Variants in DLG2 observed in about 807,000 individuals in gnomAD.
The protein encoded by DLG2 is disks large homolog 2.
In DLG2, 45 loss-of-function variants were observed where a neutral mutation model predicts 132.5. The ratio of observed to expected loss-of-function variants is 0.34; its 90% confidence interval spans 0.27 to 0.44. The LOEUF is 0.44. DLG2 is among the 20% of genes least tolerant of loss of function. The probability of loss-of-function intolerance (pLI) is 1.00; values close to 1 mark genes in which losing one functional copy is unlikely to be tolerated. For missense variants in DLG2, 1,045 were observed against 1,196.9 expected (o/e 0.87, Z 1.87); for synonymous variants, 424 against 419.6 (o/e 1.01, Z -0.13).
chr11:85,434,629 A>G (rs1210572153), intron 3 of DLG2, among the ~76,000 whole-genome samples: 4 of 152,220 alleles, frequency 2.6e-5, no homozygotes, highest in Admixed American at 2.6e-4. Flanking sequence ...ACCAGGAAGA[A>G]GTCAAATCCC....
At chr11:83,842,871 G>T (rs1427573192) in intron 16 of DLG2, among the ~76,000 whole-genome samples, 17 of 151,668 alleles carry the variant, frequency 1.1e-4, no homozygotes, top group Non-Finnish European at 1.6e-4. Flanking sequence ...TCTTTCTCAT[G>T]GCCATTCGTG....
chr11:84,116,515 G>A (rs568221415), intron 9 of DLG2, among the ~76,000 whole-genome samples: 137 of 152,152 alleles, frequency 9.0e-4, no homozygotes, highest in Non-Finnish European at 1.5e-3. Flanking sequence ...AGCCTGTGCA[G>A]GGGAACTGCC....
chr11:84,631,189 T>C (rs991029860), intron 6 of DLG2, among the ~76,000 whole-genome samples: 2 of 152,084 alleles, frequency 1.3e-5, no homozygotes, highest in Non-Finnish European at 2.9e-5. Context: ...CTAGATTATG[T>C]GTGCTCCTTA....
chr11:84,589,675 T>A (rs1437112540), intron 6 of DLG2, among the ~76,000 whole-genome samples: 1 of 152,218 alleles, frequency 6.6e-6, no homozygotes, highest in Non-Finnish European at 1.5e-5. Context: ...CATCAATATG[T>A]TCTATAATTA....
chr11:85,468,068 T>C (rs995201062), intron 3 of DLG2, among the ~76,000 whole-genome samples: 1 of 152,236 alleles, frequency 6.6e-6, no homozygotes, highest in East Asian at 1.9e-4. Context: ...AATTTAGCCA[T>C]TTCTTCTAGA....
At chr11:83,912,333 G>A (rs1415066011) in intron 15 of DLG2, among the ~76,000 whole-genome samples, 3 of 151,962 alleles carry the variant, frequency 2.0e-5, no homozygotes, top group Admixed American at 1.3e-4. Context: ...TCCCCAATGT[G>A]TCTGGACTAC....
At chr11:85,165,143 G>A (rs993101939) in intron 4 of DLG2, among the ~76,000 whole-genome samples, 2 of 152,066 alleles carry the variant, frequency 1.3e-5, no homozygotes, top group South Asian at 2.1e-4. Flanking sequence ...GATGATTCTC[G>A]GCACAATGGA....
intron 6 of DLG2, among the ~76,000 whole-genome samples, chr11:84,939,878 G>A (rs972728760): frequency 2.0e-5 from 3 of 152,184 alleles, no homozygotes; most frequent in African/African-American, 7.2e-5. Flanking sequence ...TAGTGCTGCA[G>A]TAAACATGAG....
In DLG2 at chr11:83,455,752, C is replaced by G. The variant is rs761157559; in HGVS notation, c.*4066G>C. On this transcript the variant is annotated 3_prime_UTR_variant, in exon 28 of 28. Coordinates refer to ENST00000376104, the MANE Select transcript of DLG2 (RefSeq NM_001142699.3). ...ACATACCATATATACCATACATACA[C>G]AGAAGTAAAATGTATATCACAGAAT... 14 of 152,608 alleles carry G rather than the reference C, an allele frequency of 9.2e-5. No homozygotes were observed. The highest frequency in any genetic ancestry group is 1.8e-4 in the Non-Finnish European group (12 of 68,044). The allele number at this position is 152,608 out of a possible 1,614,324, so 9.5% of individuals were successfully genotyped here.
intron 18 of DLG2, among the ~76,000 whole-genome samples, chr11:83,656,498 T>C (rs1427662711): frequency 1.3e-5 from 2 of 152,130 alleles, no homozygotes; most frequent in African/African-American, 4.8e-5. Context: ...TCCTCCCCAG[T>C]AGAACACTTG....
chr11:84,081,530 G>C (rs2096903461), intron 10 of DLG2, among the ~76,000 whole-genome samples: 2 of 152,124 alleles, frequency 1.3e-5, no homozygotes, highest in African/African-American at 4.8e-5. Context: ...CTGTGTCCAA[G>C]TGTTCTCATT....
chr11:84,753,178 C>G (rs1250535063), intron 6 of DLG2, among the ~76,000 whole-genome samples: 1 of 152,120 alleles, frequency 6.6e-6, no homozygotes, highest in Non-Finnish European at 1.5e-5. Context: ...ATCAGTGTGG[C>G]TACAGCAAGA....
At chr11:84,628,109 T>C (rs200643265) in intron 6 of DLG2, among the ~76,000 whole-genome samples, 96 of 52,988 alleles carry the variant, frequency 1.8e-3, no homozygotes, top group East Asian at 3.3e-3. Context: ...TATACACACA[T>C]ATATATATAT....
intron 6 of DLG2, among the ~76,000 whole-genome samples, chr11:84,671,772 C>G (rs574887600): frequency 5.3e-5 from 8 of 152,118 alleles, no homozygotes; most frequent in Non-Finnish European, 8.8e-5. Flanking sequence ...TCTGAAAATT[C>G]GTCTGAGTCA....
intron 22 of DLG2, among the ~76,000 whole-genome samples, chr11:83,477,022 G>A (rs117016363): frequency 0.011 from 1,674 of 152,168 alleles, 14 homozygotes; most frequent in Middle Eastern, 0.017. Context: ...ATCTCAACAC[G>A]TTAGTTTCAC....
intron 9 of DLG2, among the ~76,000 whole-genome samples, chr11:84,108,607 A>G (rs1393082717): frequency 5.3e-5 from 8 of 152,122 alleles, no homozygotes; most frequent in East Asian, 1.9e-4. Context: ...ATAGCTATGC[A>G]GTGGTAAGAA....
At chr11:83,823,705 G>A (rs756223539) in intron 17 of DLG2, among the ~76,000 whole-genome samples, 42 of 152,094 alleles carry the variant, frequency 2.8e-4, no homozygotes, top group African/African-American at 4.8e-4. Context: ...CAGTAGCTCC[G>A]TTCTAAGTTA....
chr11:84,547,541 C>A (rs748682082), intron 6 of DLG2, among the ~76,000 whole-genome samples: 12 of 152,164 alleles, frequency 7.9e-5, no homozygotes, highest in Non-Finnish European at 1.3e-4. Flanking sequence ...CATCCTTGCC[C>A]TTTGCTCTTG....
intron 9 of DLG2, among the ~76,000 whole-genome samples, chr11:84,147,179 C>T (rs564698405): frequency 1.3e-5 from 2 of 152,024 alleles, no homozygotes; most frequent in South Asian, 4.2e-4. Context: ...CCCAGAGGTT[C>T]GGATCCATTG....
Sources: gnomAD v4.1 joint callset for allele counts (sites outside exome capture counted in the v4.1 genomes callset) on GRCh38, gnomAD v4.1.1 for gene constraint, MANE v1.5 for transcripts, NCBI Gene and HGNC (gene_info 2026-07-23, HGNC 2026-07-21) for gene names.